Variants in NAALADL2 observed in about 807,000 individuals in gnomAD.
NAALADL2 encodes the protein N-acetylated alpha-linked acidic dipeptidase like 2.
In NAALADL2, 76 loss-of-function variants were observed where a neutral mutation model predicts 87.2. That is an observed-to-expected ratio of 0.87 (90% CI 0.72 to 1.05). The LOEUF (loss-of-function observed/expected upper bound fraction) is 1.05. Among genes scored for constraint, NAALADL2 ranks in the 50% least tolerant of loss-of-function variants. The pLI, the probability that NAALADL2 is intolerant of heterozygous loss-of-function variation, is 0.00. For synonymous variants in NAALADL2, 354 were observed against 331.0 expected (o/e 1.07, Z -0.75); for missense variants, 1,089 against 945.8 (o/e 1.15, Z -1.99).
chr3:174,782,757 A>C (rs1303009390), intron 3 of NAALADL2, among the ~76,000 whole-genome samples: 1 of 152,128 alleles, frequency 6.6e-6, no homozygotes, highest in African/African-American at 2.4e-5. Context: ...GGTGCCGCGC[A>C]AAGGGGGAAA....
intron 2 of NAALADL2, among the ~76,000 whole-genome samples, chr3:174,709,922 T>G (rs1730457051): frequency 6.6e-6 from 1 of 152,224 alleles, no homozygotes; most frequent in Non-Finnish European, 1.5e-5. Flanking sequence ...GTGACTAACT[T>G]CAATGTGTGT....
intron 5 of NAALADL2, among the ~76,000 whole-genome samples, chr3:175,349,681 G>A (rs1034019212): frequency 2.0e-5 from 3 of 152,070 alleles, no homozygotes; most frequent in African/African-American, 7.2e-5. Flanking sequence ...AAAGTTTGAG[G>A]AGACTGATAC....
chr3:175,610,349 T>G (rs1724446207), intron 10 of NAALADL2, among the ~76,000 whole-genome samples: 1 of 152,176 alleles, frequency 6.6e-6, no homozygotes, highest in South Asian at 2.1e-4. Context: ...ACAATGTCAA[T>G]GACTGTGTTT....
chr3:175,148,264 G>C (rs1731068682), intron 2 of NAALADL2, among the ~76,000 whole-genome samples: 1 of 151,626 alleles, frequency 6.6e-6, no homozygotes, highest in Non-Finnish European at 1.5e-5. Context: ...AGAAGTGTCT[G>C]CTCATTTTTT....
intron 1 of NAALADL2, among the ~76,000 whole-genome samples, chr3:174,526,380 A>G (rs1304524569): frequency 6.6e-6 from 1 of 152,178 alleles, no homozygotes; most frequent in Admixed American, 6.5e-5. Flanking sequence ...CATGCTTTAC[A>G]ACCTCTTTAT....
At chr3:174,503,754 TAAG>T (rs1345079723) in intron 1 of NAALADL2, among the ~76,000 whole-genome samples, 5 of 152,108 alleles carry the variant, frequency 3.3e-5, no homozygotes, top group South Asian at 2.1e-4. Context: ...TCTTCTAATA[TAAG>T]AAGAACAATA....
intron 1 of NAALADL2, among the ~76,000 whole-genome samples, chr3:175,005,585 C>A (rs1748901446): frequency 6.6e-6 from 1 of 152,094 alleles, no homozygotes; most frequent in Non-Finnish European, 1.5e-5. Flanking sequence ...GTAGTCTACA[C>A]AAATGCAAAG....
intron 11 of NAALADL2, among the ~76,000 whole-genome samples, chr3:175,651,474 G>T (rs773623405): frequency 2.7e-4 from 41 of 152,094 alleles, no homozygotes; most frequent in Non-Finnish European, 4.6e-4. Context: ...TTTTGGAGAG[G>T]TTCTTATCAC....
intron 13 of NAALADL2, among the ~76,000 whole-genome samples, chr3:175,787,969 A>G (rs1480683972): frequency 2.6e-5 from 4 of 152,110 alleles, no homozygotes; most frequent in Non-Finnish European, 5.9e-5. Context: ...GAAGTCTATA[A>G]TAGTAATGTC....
At chr3:175,539,000 T>C (rs1275940609) in intron 9 of NAALADL2, among the ~76,000 whole-genome samples, 1 of 152,198 alleles carries the variant, frequency 6.6e-6, no homozygotes, top group East Asian at 1.9e-4. Context: ...CTAATTGGAT[T>C]AGATAAACTA....
intron 1 of NAALADL2, among the ~76,000 whole-genome samples, chr3:175,047,743 A>G (rs1754860685): frequency 6.6e-6 from 1 of 152,200 alleles, no homozygotes; most frequent in African/African-American, 2.4e-5. Flanking sequence ...AAATTAGCTG[A>G]CACAATTTTA....
intron 2 of NAALADL2, among the ~76,000 whole-genome samples, chr3:174,612,068 T>C (rs1195660632): frequency 4.6e-5 from 7 of 152,192 alleles, no homozygotes; most frequent in Non-Finnish European, 7.3e-5. Flanking sequence ...GATATACTAT[T>C]CCACATTAAG....
intron 2 of NAALADL2, among the ~76,000 whole-genome samples, chr3:174,614,680 G>C (rs1327389173): frequency 6.6e-6 from 1 of 152,014 alleles, no homozygotes; most frequent in Non-Finnish European, 1.5e-5. Flanking sequence ...TCTGATTTTT[G>C]GCTCTTATGA....
At chr3:174,941,713 G>C (rs1738625245) in intron 1 of NAALADL2, among the ~76,000 whole-genome samples, 1 of 151,876 alleles carries the variant, frequency 6.6e-6, no homozygotes, top group South Asian at 2.1e-4. Context: ...AGGATAGTTA[G>C]GTCTTCTTGT....
At chr3:174,736,465 T>G (rs1240670434) in intron 2 of NAALADL2, among the ~76,000 whole-genome samples, 1 of 151,894 alleles carries the variant, frequency 6.6e-6, no homozygotes, top group African/African-American at 2.4e-5. Context: ...TGTTCAGCTA[T>G]CAGCAGAGAG....
chr3:174,672,486 TTA>T (rs1377519576), intron 2 of NAALADL2, among the ~76,000 whole-genome samples: 1 of 151,994 alleles, frequency 6.6e-6, no homozygotes. Flanking sequence ...CTTCTGGATC[TTA>T]TGTTCTAGCA....
In NAALADL2 at chr3:174,936,551, T is replaced by C. The variant is rs535662276; in HGVS notation, c.43+77101T>C. Among the ~76,000 whole-genome samples, 279 of 152,186 alleles carry C rather than the reference T, an allele frequency of 1.8e-3. 1 individual carries two copies. Among genetic ancestry groups the C allele is most frequent in the African/African-American group, 6.3e-3 (261 of 41,552 alleles). ...CGCTTGATAAAATTAAACCCAAAGG[T>C]TCTGTAGTGAAGGCCCATCTCAAAA... is the stretch of plus-strand genomic sequence containing the variant. On this transcript the variant is annotated intron_variant, in intron 1 of 13. Transcript: ENST00000454872.
chr3:175,280,582 A>G (rs1754162079), intron 4 of NAALADL2, among the ~76,000 whole-genome samples: 1 of 152,176 alleles, frequency 6.6e-6, no homozygotes, highest in African/African-American at 2.4e-5. Context: ...CTTGAAGTAC[A>G]TATTGTTACC....
At chr3:174,533,760 A>G (rs542764855) in intron 1 of NAALADL2, among the ~76,000 whole-genome samples, 1 of 152,196 alleles carries the variant, frequency 6.6e-6, no homozygotes, top group Non-Finnish European at 1.5e-5. Flanking sequence ...TGTAGTTGAC[A>G]ATAAAGCATC....
Sources: gnomAD v4.1 joint callset for allele counts (sites outside exome capture counted in the v4.1 genomes callset) on GRCh38, gnomAD v4.1.1 for gene constraint, MANE v1.5 for transcripts, NCBI Gene and HGNC (gene_info 2026-07-23, HGNC 2026-07-21) for gene names.